ANKFN1: variants seen among roughly 807,000 people sequenced by gnomAD.
The protein encoded by ANKFN1 is ankyrin repeat and fibronectin type-III domain-containing protein 1.
In ANKFN1, 74 loss-of-function variants were observed where a neutral mutation model predicts 108.7. That is an observed-to-expected ratio of 0.68 (90% CI 0.56 to 0.83). ANKFN1 has a LOEUF of 0.83. Among genes scored for constraint, ANKFN1 ranks in the 40% least tolerant of loss-of-function variants. The pLI is 0.00. For synonymous variants in ANKFN1, 547 were observed against 516.2 expected, an observed-to-expected ratio of 1.06 and a Z score of -0.81; for missense variants, 1,505 against 1,382.3, an observed-to-expected ratio of 1.09 and a Z score of -1.41.
At chr17:56,196,233 G>T (rs1192328279) in intron 1 of ANKFN1, among the ~76,000 whole-genome samples, 2 of 152,242 alleles carry the variant, frequency 1.3e-5, no homozygotes, top group Non-Finnish European at 1.5e-5. Context: ...TCCAGCTTAG[G>T]CAACAGAACC....
intron 2 of ANKFN1, among the ~76,000 whole-genome samples, chr17:56,216,621 G>C (rs891796743): frequency 5.3e-5 from 8 of 152,200 alleles, no homozygotes; most frequent in Middle Eastern, 3.2e-3. Flanking sequence ...AATCGGAGAA[G>C]GGTGATTTCC....
rs150095644 is a variant in ANKFN1 at position 56,230,811 on chromosome 17, C to T, written c.53+2854C>T. Among the ~76,000 whole-genome samples, 75 of 152,110 alleles carry T rather than the reference C, an allele frequency of 4.9e-4. 1 individual carries two copies. The highest frequency in any genetic ancestry group is 7.7e-4 in the Non-Finnish European group (52 of 67,970). ...GTTCCTTTCGATTTTTGGCAGGAAC[C>T]ATTTTCTGCAATTTGTGGTTTTGCA... On this transcript the variant is annotated intron_variant, in intron 3 of 20. Transcript: ENST00000682825.
intron 4 of ANKFN1, among the ~76,000 whole-genome samples, chr17:56,047,451 GGCACTCT>G (rs1230786788): frequency 1.3e-5 from 2 of 152,194 alleles, no homozygotes; most frequent in Non-Finnish European, 2.9e-5. Flanking sequence ...AAGAGTCTGA[GGCACTCT>G]GCACTGGGAC....
chr17:56,393,319 A>G (rs1482055926), intron 8 of ANKFN1, among the ~76,000 whole-genome samples: 1 of 152,152 alleles, frequency 6.6e-6, no homozygotes, highest in African/African-American at 2.4e-5. Flanking sequence ...TCTCTGCCCA[A>G]TAAACCCTTA....
At chr17:56,315,434 C>T (rs1191295842) in intron 3 of ANKFN1, among the ~76,000 whole-genome samples, 1 of 152,214 alleles carries the variant, frequency 6.6e-6, no homozygotes, top group African/African-American at 2.4e-5. Flanking sequence ...TGTGACTCCC[C>T]TTTCAAACTA....
intron 3 of ANKFN1, among the ~76,000 whole-genome samples, chr17:56,318,692 C>G (rs1410422043): frequency 6.6e-6 from 1 of 152,174 alleles, no homozygotes; most frequent in Non-Finnish European, 1.5e-5. Flanking sequence ...GTCTTCAGGG[C>G]CACCTTCCTT....
At chr17:56,174,112 T>G in intron 1 of ANKFN1, 12 of 923,886 alleles carry the variant, frequency 1.3e-5, no homozygotes, top group East Asian at 1.2e-4. Flanking sequence ...TGGGTCAGCT[T>G]GACATTGTGG....
chr17:56,449,024 G>T, intron 10 of ANKFN1, 55 bp from the exon 11 acceptor site: 1 of 1,505,576 alleles, frequency 6.6e-7, no homozygotes, highest in South Asian at 1.1e-5. Flanking sequence ...GCAGGGCAAG[G>T]AAGAGGCCTC....
At chr17:56,203,368 T>A (rs1393064356) in intron 1 of ANKFN1, among the ~76,000 whole-genome samples, 1 of 152,164 alleles carries the variant, frequency 6.6e-6, no homozygotes, top group Non-Finnish European at 1.5e-5. Flanking sequence ...CCTGTGCCCA[T>A]TCACATCCAT....
At chr17:56,413,378 G>C (rs575992129) in intron 8 of ANKFN1, among the ~76,000 whole-genome samples, 119 of 152,252 alleles carry the variant, frequency 7.8e-4, no homozygotes, top group Non-Finnish European at 1.2e-3. Flanking sequence ...AAAAGGGACA[G>C]TTTGACTTCC....
chr17:56,449,211 C>T (rs1338466175), intron 11 of ANKFN1, 25 bp downstream of exon 11: 2 of 1,594,888 alleles, frequency 1.3e-6, no homozygotes, highest in Admixed American at 3.4e-5. Context: ...CTGTGCTGGG[C>T]CATCAACTGA....
At chr17:56,167,261 G>GTGTATA (rs1555603934) in intron 1 of ANKFN1, among the ~76,000 whole-genome samples, 4 of 74,734 alleles carry the variant, frequency 5.4e-5, no homozygotes, top group African/African-American at 1.8e-4. Flanking sequence ...GTATGTGTGT[G>GTGTATA]TATATATATA....
At chr17:56,362,812 C>G (rs1259536746) in intron 6 of ANKFN1, among the ~76,000 whole-genome samples, 2 of 152,254 alleles carry the variant, frequency 1.3e-5, no homozygotes, top group South Asian at 4.1e-4. Context: ...AAGAGACAAC[C>G]TGTGTATTGG....
At chr17:56,225,724 T>C (rs1403119437) in intron 2 of ANKFN1, among the ~76,000 whole-genome samples, 1 of 152,250 alleles carries the variant, frequency 6.6e-6, no homozygotes, top group Non-Finnish European at 1.5e-5. Flanking sequence ...TTTATGTAAC[T>C]CTCTGGTCTG....
chr17:56,121,807 A>G (rs1320639499), intron 4 of ANKFN1, among the ~76,000 whole-genome samples: 1 of 152,226 alleles, frequency 6.6e-6, no homozygotes, highest in Non-Finnish European at 1.5e-5. Context: ...ACAAGAATCA[A>G]TTAGAAAGGA....
chr17:56,255,331 T>C (rs558146180), intron 3 of ANKFN1, among the ~76,000 whole-genome samples: 2 of 152,224 alleles, frequency 1.3e-5, no homozygotes, highest in African/African-American at 4.8e-5. Context: ...CCTCCCTATT[T>C]TGAGGCATAG....
chr17:56,274,109 T>C (rs2043857119), intron 3 of ANKFN1, among the ~76,000 whole-genome samples: 3 of 152,160 alleles, frequency 2.0e-5, no homozygotes, highest in African/African-American at 7.2e-5. Context: ...TACAAGGGCA[T>C]CCAAAGCATG....
intron 6 of ANKFN1, among the ~76,000 whole-genome samples, chr17:56,360,251 C>T (rs2144715181): frequency 6.6e-6 from 1 of 152,296 alleles, no homozygotes; most frequent in Middle Eastern, 3.4e-3. Context: ...CTGTAACATG[C>T]CAGGCTATCT....
chr17:56,113,008 C>G (rs1229929418), intron 4 of ANKFN1, among the ~76,000 whole-genome samples: 1 of 152,200 alleles, frequency 6.6e-6, no homozygotes, highest in Non-Finnish European at 1.5e-5. Context: ...GAGCAATTAA[C>G]TGAGCTAAAT....
Sources: allele counts gnomAD v4.1 joint callset (sites outside exome capture counted in the v4.1 genomes callset), GRCh38; gene constraint gnomAD v4.1.1; transcripts MANE v1.5; gene names NCBI Gene and HGNC (gene_info 2026-07-23, HGNC 2026-07-21).